ATRNL1: variants seen among roughly 807,000 people sequenced by gnomAD.
ATRNL1 encodes attractin like 1.
Under a neutral mutation model 182.7 loss-of-function variants are expected in ATRNL1, and 95 were observed. The ratio of observed to expected loss-of-function variants is 0.52; its 90% CI spans 0.44 to 0.62. The LOEUF (loss-of-function observed/expected upper bound fraction) is 0.62, where lower values mean the gene tolerates loss of function less well. Ranked by LOEUF, ATRNL1 falls within the 20% of genes least tolerant of loss-of-function variation. The pLI is 0.00. For missense variants in ATRNL1, 1,471 were observed against 1,679.5 expected (o/e 0.88, Z 2.17); for synonymous variants, 576 against 568.3 (o/e 1.01, Z -0.19).
At chr10:115,918,981 A>G (rs1952962684) in intron 28 of ATRNL1, among the ~76,000 whole-genome samples, 1 of 152,184 alleles carries the variant, frequency 6.6e-6, no homozygotes, top group South Asian at 2.1e-4. Flanking sequence ...AATGCCTAAG[A>G]TGATTCAGCA....
At chr10:115,135,909 G>C (rs1845489436) in intron 5 of ATRNL1, among the ~76,000 whole-genome samples, 1 of 137,438 alleles carries the variant, frequency 7.3e-6, no homozygotes, top group Non-Finnish European at 1.6e-5. Context: ...GCTCAGGCTA[G>C]AGTGCAGTGG....
At chr10:115,387,270 G>T (rs1296868309) in intron 19 of ATRNL1, among the ~76,000 whole-genome samples, 3 of 152,250 alleles carry the variant, frequency 2.0e-5, no homozygotes, top group African/African-American at 7.2e-5. Context: ...TTGTTTAAAG[G>T]TAAAGGGACC....
intron 10 of ATRNL1, among the ~76,000 whole-genome samples, chr10:115,251,183 T>C (rs1259088275): frequency 6.6e-6 from 1 of 152,218 alleles, no homozygotes; most frequent in African/African-American, 2.4e-5. Flanking sequence ...AAACTGATGA[T>C]TTAAATGGAG....
At chr10:115,515,655 C>T (rs917239913) in intron 24 of ATRNL1, among the ~76,000 whole-genome samples, 16 of 151,868 alleles carry the variant, frequency 1.1e-4, no homozygotes, top group African/African-American at 3.6e-4. Context: ...GATTTCTGCT[C>T]TGTTTTGTAA....
At position 115,120,130 on chromosome 10, in the gene ATRNL1, A is replaced by G. The variant is rs1289157204; in HGVS notation, c.294-55A>G. Reference sequence around the variant, plus strand: ...CTTTTAAATTTTCTTATCCTGCTATATGTCTTAAAGTTATTTTAAGGTAAT... The same window carrying G: ...CTTTTAAATTTTCTTATCCTGCTATGTGTCTTAAAGTTATTTTAAGGTAAT... On this transcript the variant is annotated intron_variant, in intron 1 of 28. Transcript: ENST00000355044. 7 of 1,049,300 alleles carry G rather than the reference A, an allele frequency of 6.7e-6. No homozygotes were observed. In the East Asian group the frequency reaches 7.6e-5, roughly 11 times the overall value. The allele number at this position is 1,049,300 out of a possible 1,614,324, so 65.0% of individuals were successfully genotyped here.
intron 25 of ATRNL1, among the ~76,000 whole-genome samples, chr10:115,533,328 T>C (rs1232116383): frequency 6.6e-6 from 1 of 152,132 alleles, no homozygotes; most frequent in Non-Finnish European, 1.5e-5. Flanking sequence ...GGTTTAGTCT[T>C]GGGAGAGTGT....
intron 26 of ATRNL1, among the ~76,000 whole-genome samples, chr10:115,581,895 T>A (rs12766610): frequency 1.6e-4 from 11 of 70,108 alleles, no homozygotes; most frequent in East Asian, 1.4e-3. Context: ...CCCTCCCCCC[T>A]CCCCCCACCC....
intron 24 of ATRNL1, among the ~76,000 whole-genome samples, chr10:115,502,754 A>T (rs1298565330): frequency 6.6e-6 from 1 of 152,136 alleles, no homozygotes; most frequent in Non-Finnish European, 1.5e-5. Flanking sequence ...TTTTATCTTT[A>T]AAAATGGCCC....
At chr10:115,322,279 TTGAG>T (rs1854622160) in intron 18 of ATRNL1, among the ~76,000 whole-genome samples, 1 of 151,756 alleles carries the variant, frequency 6.6e-6, no homozygotes, top group Admixed American at 6.6e-5. Flanking sequence ...TTTAAATAAT[TTGAG>T]TGATGAAAGG....
chr10:115,488,838 T>G (rs1237520336), intron 24 of ATRNL1, among the ~76,000 whole-genome samples: 2 of 152,198 alleles, frequency 1.3e-5, no homozygotes, highest in African/African-American at 4.8e-5. Flanking sequence ...TTTAGATCTT[T>G]CCTGCTTTCT....
At chr10:115,106,940 AG>A (rs1554866136) in intron 1 of ATRNL1, among the ~76,000 whole-genome samples, 1 of 152,200 alleles carries the variant, frequency 6.6e-6, no homozygotes, top group Non-Finnish European at 1.5e-5. Flanking sequence ...ACATCTTGTA[AG>A]GGCTTTCTTG....
At chr10:115,753,946 A>G (rs547665563) in intron 27 of ATRNL1, among the ~76,000 whole-genome samples, 13 of 152,124 alleles carry the variant, frequency 8.5e-5, no homozygotes, top group African/African-American at 2.4e-4. Context: ...GCATTTTTTC[A>G]TATGTTTGTT....
chr10:115,637,508 T>A (rs1858952821), intron 26 of ATRNL1, among the ~76,000 whole-genome samples: 1 of 151,814 alleles, frequency 6.6e-6, no homozygotes, highest in Non-Finnish European at 1.5e-5. Flanking sequence ...AGTATGTATG[T>A]TTTAACCTGC....
chr10:115,224,628 C>A (rs1020992092), intron 9 of ATRNL1, among the ~76,000 whole-genome samples: 24 of 150,318 alleles, frequency 1.6e-4, no homozygotes, highest in Non-Finnish European at 2.1e-4. Context: ...TTAAATAATC[C>A]ATGCCAAGAA....
intron 19 of ATRNL1, among the ~76,000 whole-genome samples, chr10:115,377,047 T>G (rs1857714021): frequency 6.6e-6 from 1 of 152,148 alleles, no homozygotes; most frequent in South Asian, 2.1e-4. Flanking sequence ...AGCTCTTGGA[T>G]TTCTATTTTG....
At chr10:115,800,342 A>G (rs1229952774) in intron 27 of ATRNL1, among the ~76,000 whole-genome samples, 1 of 152,076 alleles carries the variant, frequency 6.6e-6, no homozygotes, top group African/African-American at 2.4e-5. Context: ...AGCCTGTCTC[A>G]CTCTAATGCC....
chr10:115,240,075 A>G (rs1307044600), intron 9 of ATRNL1, among the ~76,000 whole-genome samples: 1 of 152,102 alleles, frequency 6.6e-6, no homozygotes, highest in East Asian at 1.9e-4. Context: ...ATCTATTGCC[A>G]TAGACTATTG....
In ATRNL1 at chr10:115,656,620, T is replaced by TATGA. The variant is rs559799732; in HGVS notation, c.3796-70609_3796-70606dup. Among the ~76,000 whole-genome samples the TATGA allele has an allele frequency of 2.4e-4, 36 of 152,250 alleles. No homozygotes were observed. In the South Asian group the frequency reaches 2.5e-3, roughly 11 times the overall value. On this transcript the variant is annotated intron_variant, in intron 26 of 28. Transcript: ENST00000355044. Reference sequence around the variant, plus strand: ...CTGAACTGGAATAAGTTGGTTCGAATATGAATGAATGAATGAATGAATAAA... The same window carrying TATGA: ...CTGAACTGGAATAAGTTGGTTCGAATATGAATGAATGAATGAATGAATGAATAAA...
intron 22 of ATRNL1, among the ~76,000 whole-genome samples, chr10:115,466,667 T>A (rs113828935): frequency 4.3e-4 from 65 of 151,288 alleles, no homozygotes; most frequent in African/African-American, 1.5e-3. Flanking sequence ...TTGGAGTAGG[T>A]TCATCATTTT....
Sources: gnomAD v4.1 joint callset for allele counts (sites outside exome capture counted in the v4.1 genomes callset) on GRCh38, gnomAD v4.1.1 for gene constraint, MANE v1.5 for transcripts, NCBI Gene and HGNC (gene_info 2026-07-23, HGNC 2026-07-21) for gene names.